Variants in MAPK6 observed in about 807,000 individuals in gnomAD.
MAPK6 encodes the protein ERK-3.
MAPK6 carries 19 observed loss-of-function variants against 59.3 expected under a neutral mutation model. The ratio of observed to expected loss-of-function variants is 0.32; its 90% CI spans 0.22 to 0.47. MAPK6 has a LOEUF of 0.47. Among genes scored for constraint, MAPK6 ranks in the 20% least tolerant of loss-of-function variants. The probability of loss-of-function intolerance (pLI) is 1.00; values close to 1 mark genes in which losing one functional copy is unlikely to be tolerated. For synonymous variants in MAPK6, 316 were observed against 290.3 expected (o/e 1.09, Z -0.90); for missense variants, 724 against 847.9 (o/e 0.85, Z 1.81).
chr15:52,019,905 C>T (rs1269431953), intron 1 of MAPK6: 3 of 153,034 alleles, frequency 2.0e-5, no homozygotes, highest in African/African-American at 7.2e-5. Flanking sequence ...CTCCCCCATC[C>T]CACCCGGTGA....
At chr15:52,060,089 A>G (rs1272546709) in intron 4 of MAPK6, among the ~76,000 whole-genome samples, 1 of 152,120 alleles carries the variant, frequency 6.6e-6, no homozygotes, top group African/African-American at 2.4e-5. Context: ...TTCTCTAAGC[A>G]TGGTTCAGCA....
chr15:51,997,277 A>ATTTTT (rs749427678), intron 2 of MAPK6, among the ~76,000 whole-genome samples: 3 of 140,544 alleles, frequency 2.1e-5, no homozygotes, highest in African/African-American at 7.9e-5. Context: ...GTGCCTAGCA[A>ATTTTT]TTTTTTTTTT....
intron 1 of MAPK6, among the ~76,000 whole-genome samples, chr15:52,027,200 A>C (rs1164120321): frequency 2.0e-5 from 3 of 151,492 alleles, no homozygotes; most frequent in Non-Finnish European, 2.9e-5. Flanking sequence ...AAAAATACGA[A>C]AAAACTGGCC....
intron 1 of MAPK6, among the ~76,000 whole-genome samples, chr15:52,019,717 G>T (rs971611767): frequency 6.6e-6 from 1 of 150,730 alleles, no homozygotes; most frequent in South Asian, 2.1e-4. Context: ...GGCCGCGCCC[G>T]CTCCCTGGCC....
intron 1 of MAPK6, among the ~76,000 whole-genome samples, chr15:52,023,510 A>G (rs1010055888): frequency 6.6e-6 from 1 of 152,236 alleles, no homozygotes; most frequent in Non-Finnish European, 1.5e-5. Flanking sequence ...GATGCTTTTA[A>G]GGTGACAGTG....
chr15:52,041,081 G>A (rs62015195), intron 1 of MAPK6, among the ~76,000 whole-genome samples: 56 of 152,280 alleles, frequency 3.7e-4, no homozygotes, highest in South Asian at 6.2e-4. Flanking sequence ...GCTGGAAAGG[G>A]TCCCTTTATG....
intron 2 of MAPK6, among the ~76,000 whole-genome samples, chr15:51,997,551 C>A (rs997525492): frequency 3.3e-5 from 5 of 152,052 alleles, no homozygotes; most frequent in Non-Finnish European, 5.9e-5. Context: ...AACCACCTTG[C>A]CCGGCCCAGG....
chr15:51,981,958 T>C (rs1362546823), intron 1 of MAPK6, among the ~76,000 whole-genome samples: 1 of 151,946 alleles, frequency 6.6e-6, no homozygotes, highest in Non-Finnish European at 1.5e-5. Flanking sequence ...CAGAAGGGGA[T>C]GGAAAAATAA....
intron 2 of MAPK6, among the ~76,000 whole-genome samples, chr15:51,995,969 T>G (rs900714076): frequency 6.6e-5 from 10 of 151,978 alleles, no homozygotes; most frequent in African/African-American, 2.2e-4. Context: ...AAAAAACAAC[T>G]TACAGGCTTT....
At chr15:51,990,895 A>C (rs2057206051) in intron 2 of MAPK6, among the ~76,000 whole-genome samples, 1 of 152,080 alleles carries the variant, frequency 6.6e-6, no homozygotes, top group South Asian at 2.1e-4. Context: ...CGGAACTTGC[A>C]GTGAGCCGAG....
intron 1 of MAPK6, among the ~76,000 whole-genome samples, chr15:52,028,076 C>G (rs1350876293): frequency 1.3e-5 from 2 of 148,590 alleles, no homozygotes; most frequent in East Asian, 4.1e-4. Context: ...CCTCAGCTTT[C>G]CGAGTAGCTG....
chr15:51,987,536 G>T (rs2057194582), intron 2 of MAPK6, among the ~76,000 whole-genome samples: 1 of 151,926 alleles, frequency 6.6e-6, no homozygotes, highest in African/African-American at 2.4e-5. Context: ...ACCTAGTGTG[G>T]GGTCGGTGGG....
chr15:52,058,214 G>A (rs956332844), intron 3 of MAPK6, among the ~76,000 whole-genome samples: 1 of 152,160 alleles, frequency 6.6e-6, no homozygotes, highest in Non-Finnish European at 1.5e-5. Flanking sequence ...AAAACTTCCT[G>A]TTTTACAAGT....
chr15:52,047,099 G>A, intron 2 of MAPK6, 84 bp downstream of exon 2: 4 of 1,028,234 alleles, frequency 3.9e-6, no homozygotes, highest in African/African-American at 1.6e-5. Flanking sequence ...TTTGTATATT[G>A]TGGCAGAATT....
At chr15:51,993,440 T>C (rs2057215665) in intron 2 of MAPK6, among the ~76,000 whole-genome samples, 2 of 152,306 alleles carry the variant, frequency 1.3e-5, no homozygotes, top group Admixed American at 6.5e-5. Context: ...GAAGGATTGA[T>C]TAAATAAGTC....
At chr15:52,045,257 A>T (rs1258610159) in intron 1 of MAPK6, among the ~76,000 whole-genome samples, 1 of 152,110 alleles carries the variant, frequency 6.6e-6, no homozygotes, top group East Asian at 1.9e-4. Context: ...TGTTTTTTCA[A>T]TCTGAAATGT....
At chr15:52,013,126 C>G (rs888335992) in intron 3 of MAPK6, among the ~76,000 whole-genome samples, 2 of 143,860 alleles carry the variant, frequency 1.4e-5, no homozygotes, top group African/African-American at 5.2e-5. Flanking sequence ...GATTCCCTGT[C>G]ATGCACTCTT....
intron 1 of MAPK6, chr15:52,042,643 CAGT>C (rs919838565): frequency 2.0e-5 from 3 of 152,250 alleles, no homozygotes; most frequent in African/African-American, 7.2e-5. Context: ...TGTCAGATAA[CAGT>C]GGTGTAATTT....
chr15:52,017,513 A>T (rs2030308136), upstream of MAPK6: 1 of 152,380 alleles, frequency 6.6e-6, no homozygotes, highest in African/African-American at 2.4e-5. Flanking sequence ...GTGGATCTTC[A>T]GTTGCTTCAG....
Sources: gnomAD v4.1 joint callset for allele counts (sites outside exome capture counted in the v4.1 genomes callset) on GRCh38, gnomAD v4.1.1 for gene constraint, MANE v1.5 for transcripts, NCBI Gene and HGNC (gene_info 2026-07-23, HGNC 2026-07-21) for gene names.